Variants in DNAH9 observed in about 807,000 individuals in gnomAD.
DNAH9 encodes the protein DNAH9 variant protein.
A neutral mutation model predicts 471.6 loss-of-function variants in DNAH9; 345 were observed. The observed-to-expected ratio is 0.73, with a 90% CI of 0.67 to 0.80. DNAH9 has a LOEUF of 0.80. Among genes scored for constraint, DNAH9 ranks in the 30% least tolerant of loss-of-function variants. The probability of loss-of-function intolerance (pLI) is 0.00; values close to 1 mark genes in which losing one functional copy is unlikely to be tolerated. For synonymous variants in DNAH9, 2,093 were observed against 2,123.6 expected (o/e 0.99, Z 0.40); for missense variants, 5,407 against 5,609.2 (o/e 0.96, Z 1.15).
chr17:11,846,364 C>G, intron 49 of DNAH9, among the ~76,000 whole-genome samples: 1 of 149,340 alleles, frequency 6.7e-6, no homozygotes. Flanking sequence ...TGATCTATAT[C>G]TCTGTTTTGG....
intron 26 of DNAH9, among the ~76,000 whole-genome samples, 176 bp from the exon 27 acceptor site, chr17:11,719,158 G>C (rs1221653099): frequency 6.6e-6 from 1 of 152,106 alleles, no homozygotes; most frequent in East Asian, 1.9e-4. Context: ...AGGGAGCACT[G>C]TGATGAGCTT....
intron 62 of DNAH9, among the ~76,000 whole-genome samples, chr17:11,926,494 G>A (rs1190823192): frequency 2.6e-5 from 4 of 152,148 alleles, no homozygotes; most frequent in Non-Finnish European, 5.9e-5. Flanking sequence ...ACTTATAAGT[G>A]AGAACATGCA....
intron 38 of DNAH9, among the ~76,000 whole-genome samples, chr17:11,777,339 A>G (rs1183683383): frequency 6.6e-6 from 1 of 152,188 alleles, no homozygotes; most frequent in Admixed American, 6.5e-5. Context: ...TTGTTTAGCA[A>G]TCCCTATTTA....
At chr17:11,775,886 C>T (rs758840287) in intron 38 of DNAH9, among the ~76,000 whole-genome samples, 35 of 152,226 alleles carry the variant, frequency 2.3e-4, no homozygotes, top group South Asian at 6.2e-4. Flanking sequence ...GCCACCGCGC[C>T]GGGCCAATCA....
At chr17:11,925,044 A>G (rs1974273306) in intron 62 of DNAH9, 1 of 372,814 alleles carries the variant, frequency 2.7e-6, no homozygotes, top group East Asian at 7.5e-5. Flanking sequence ...GAGTTGTGGC[A>G]GAATGCATAG....
intron 67 of DNAH9, among the ~76,000 whole-genome samples, chr17:11,946,642 C>G (rs867391127): frequency 8.3e-4 from 111 of 134,530 alleles, no homozygotes; most frequent in African/African-American, 2.9e-3. Context: ...CCAGCCTGGG[C>G]CACAGAGCAA....
intron 68 of DNAH9, among the ~76,000 whole-genome samples, chr17:11,967,657 A>C (rs1976849867): frequency 6.6e-6 from 1 of 152,188 alleles, no homozygotes; most frequent in Non-Finnish European, 1.5e-5. Context: ...ATTTTAAAAA[A>C]CAAACCATGA....
intron 45 of DNAH9, among the ~76,000 whole-genome samples, chr17:11,811,863 G>C (rs1969914542): frequency 6.7e-6 from 1 of 149,636 alleles, no homozygotes; most frequent in Middle Eastern, 3.5e-3. Flanking sequence ...ACTGCAAAAG[G>C]CCTGTAATCC....
In DNAH9 at chr17:11,871,600, T is replaced by C; in HGVS notation, c.10056T>C (p.Val3352=). 6.2e-7 allele frequency: 1 copy of C among 1,613,550 alleles called. No individual in the cohort carries two copies. Among genetic ancestry groups the C allele is most frequent in the East Asian group, 2.2e-5 (1 of 44,874 alleles). Residue 3352 remains valine, a splice_region_variant and synonymous_variant, in exon 52 of 69, where the codon GTT becomes GTC. Coordinates refer to ENST00000262442, the MANE Select transcript of DNAH9 (RefSeq NM_001372.4). ...AVTISLANRL[V]GGLASENVRW... ...CTCTCTGGCTTTTGAAATGGTAGGT[T>C]GGAGGACTCGCTTCTGAAAACGTGA...
At chr17:11,870,822 G>C (rs1300232953) in intron 51 of DNAH9, among the ~76,000 whole-genome samples, 1 of 152,104 alleles carries the variant, frequency 6.6e-6, no homozygotes, top group Non-Finnish European at 1.5e-5. Flanking sequence ...AGCCACCCCT[G>C]TCTCTACCGA....
chr17:11,637,115 C>T (rs193102127), intron 9 of DNAH9, among the ~76,000 whole-genome samples: 88 of 152,228 alleles, frequency 5.8e-4, no homozygotes, highest in African/African-American at 1.9e-3. Flanking sequence ...CGCCTCCATT[C>T]GAAAATAAAT....
chr17:11,651,120 C>A lies in DNAH9; in HGVS notation c.2149C>A (p.His717Asn). The A allele has an allele frequency of 6.2e-7, 1 of 1,613,990 alleles. No individual in the cohort carries two copies. Among genetic ancestry groups the A allele is most frequent in the Non-Finnish European group, 8.5e-7 (1 of 1,179,942 alleles). Residue 717 changes from histidine to asparagine, a missense_variant, in exon 13 of 69, where the codon CAC (histidine) becomes AAC (asparagine). His to Asn is a moderately conservative substitution (Grantham distance 68, BLOSUM62 1). This residue lies in a region of DNAH9 where 4,636 missense variants were observed against 4,900.3 expected (regional missense o/e 0.95). Transcript: ENST00000262442. ...CTATCTTGAACCCAGAGAGATGAAA[C>A]ACATGCCTGAGACAGCAGCAGCCAT... is the stretch of plus-strand genomic sequence containing the variant. ...MSYLEPREMKHMPETAAAMFS... is the reference protein window; with the variant it reads ...MSYLEPREMKNMPETAAAMFS...
At chr17:11,692,716 G>A (rs894179253) in intron 20 of DNAH9, among the ~76,000 whole-genome samples, 6 of 151,746 alleles carry the variant, frequency 4.0e-5, no homozygotes, top group African/African-American at 7.3e-5. Flanking sequence ...AGTGTACAGT[G>A]GGGTTCTCCA....
chr17:11,622,850 G>A (rs996724992), intron 6 of DNAH9, among the ~76,000 whole-genome samples: 1 of 152,054 alleles, frequency 6.6e-6, no homozygotes, highest in African/African-American at 2.4e-5. Flanking sequence ...GATGACATGA[G>A]TGTCACCAAG....
intron 33 of DNAH9, among the ~76,000 whole-genome samples, chr17:11,755,118 G>A (rs982335425): frequency 1.3e-5 from 2 of 152,306 alleles, no homozygotes; most frequent in African/African-American, 4.8e-5. Context: ...CTTTGTTGAA[G>A]ATCAGATGGT....
intron 67 of DNAH9, among the ~76,000 whole-genome samples, chr17:11,946,888 A>C (rs1284647450): frequency 6.6e-6 from 1 of 152,164 alleles, no homozygotes; most frequent in Admixed American, 6.5e-5. Flanking sequence ...CTGGGCACCA[A>C]GGTTAGAAAA....
chr17:11,760,754 G>A (rs8080220), intron 35 of DNAH9, among the ~76,000 whole-genome samples: 3,191 of 152,164 alleles, frequency 0.021, 119 homozygotes, highest in African/African-American at 0.073. Flanking sequence ...TCTTGACCTC[G>A]TGATCTGCCC....
At chr17:11,660,176 G>T (rs926474248) in intron 14 of DNAH9, among the ~76,000 whole-genome samples, 10 of 151,740 alleles carry the variant, frequency 6.6e-5, no homozygotes, top group Non-Finnish European at 1.5e-4. Flanking sequence ...AGCCTGTTAG[G>T]GTATAAACTT....
At chr17:11,782,938 T>G (rs2150896715) in intron 39 of DNAH9, among the ~76,000 whole-genome samples, 1 of 152,310 alleles carries the variant, frequency 6.6e-6, no homozygotes, top group East Asian at 1.9e-4. Flanking sequence ...AAATTTATTC[T>G]ATTGGGTTAA....
Sources: allele counts gnomAD v4.1 joint callset (sites outside exome capture counted in the v4.1 genomes callset), GRCh38; gene constraint gnomAD v4.1.1; regional missense constraint gnomAD v4.1.1; transcripts MANE v1.5; gene names NCBI Gene and HGNC (gene_info 2026-07-23, HGNC 2026-07-21).